CTNNA1: variants seen among roughly 807,000 people sequenced by gnomAD.
CTNNA1 encodes the protein catenin alpha 1.
In CTNNA1, 37 loss-of-function variants were observed where a neutral mutation model predicts 98.4. The observed-to-expected ratio is 0.38, with a 90% CI of 0.29 to 0.49. The LOEUF (loss-of-function observed/expected upper bound fraction) is 0.49, where lower values mean the gene tolerates loss of function less well. Ranked by LOEUF, CTNNA1 falls within the 20% of genes least tolerant of loss-of-function variation. The pLI, the probability that CTNNA1 is intolerant of heterozygous loss-of-function variation, is 0.95. For synonymous variants in CTNNA1, 404 were observed against 413.2 expected (o/e 0.98, Z 0.27); for missense variants, 761 against 1,147.2 (o/e 0.66, Z 4.86).
chr5:138,901,066 G>A (rs10038162), intron 9 of CTNNA1, among the ~76,000 whole-genome samples: 46,921 of 152,002 alleles, frequency 0.31, 7,415 homozygotes, highest in African/African-American at 0.37. Flanking sequence ...GTTCTACGAA[G>A]TCTTGGCTCT....
chr5:138,833,513 G>A (rs1299671665), intron 7 of CTNNA1, among the ~76,000 whole-genome samples: 1 of 152,124 alleles, frequency 6.6e-6, no homozygotes, highest in Non-Finnish European at 1.5e-5. Context: ...ATTTTTACCT[G>A]TTTCTTTTCA....
intron 9 of CTNNA1, among the ~76,000 whole-genome samples, chr5:138,893,225 C>T (rs1038322289): frequency 5.3e-5 from 8 of 152,056 alleles, no homozygotes; most frequent in African/African-American, 1.4e-4. Flanking sequence ...GTCATCATTC[C>T]GGAAGGAGAC....
intron 7 of CTNNA1, among the ~76,000 whole-genome samples, chr5:138,831,561 C>T (rs1178719707): frequency 6.6e-6 from 1 of 152,006 alleles, no homozygotes; most frequent in Non-Finnish European, 1.5e-5. Flanking sequence ...CTGGAAATTC[C>T]CTTCCTACCT....
chr5:138,898,867 T>C (rs1757449172), intron 9 of CTNNA1, among the ~76,000 whole-genome samples: 2 of 152,224 alleles, frequency 1.3e-5, no homozygotes, highest in Admixed American at 1.3e-4. Context: ...TTCCACATTT[T>C]CCATAAGATG....
chr5:138,807,749 T>TTA (rs199826224), intron 3 of CTNNA1, among the ~76,000 whole-genome samples: 8 of 151,858 alleles, frequency 5.3e-5, no homozygotes, highest in Admixed American at 2.0e-4. Context: ...AAGACAGTAT[T>TTA]TATATATATA....
At chr5:138,909,349 C>T (rs1252520563) in intron 10 of CTNNA1, among the ~76,000 whole-genome samples, 2 of 150,582 alleles carry the variant, frequency 1.3e-5, no homozygotes, top group Non-Finnish European at 3.0e-5. Flanking sequence ...TTTTTTCTTT[C>T]CTCCCCCCCC....
At chr5:138,921,532 C>G (rs1762908392) in intron 11 of CTNNA1, among the ~76,000 whole-genome samples, 1 of 150,304 alleles carries the variant, frequency 6.7e-6, no homozygotes, top group Non-Finnish European at 1.5e-5. Context: ...TGTTTAATAG[C>G]AGAAATGCTA....
At chr5:138,827,767 T>G in intron 7 of CTNNA1, 49 bp downstream of exon 7, 1 of 1,603,118 alleles carries the variant, frequency 6.2e-7, no homozygotes, top group Non-Finnish European at 8.5e-7. Context: ...GGATGAGGAG[T>G]TTTCTATAAC....
intron 3 of CTNNA1, among the ~76,000 whole-genome samples, chr5:138,784,844 T>C (rs1298006417): frequency 6.6e-6 from 1 of 152,158 alleles, no homozygotes; most frequent in Non-Finnish European, 1.5e-5. Flanking sequence ...ATCATATACT[T>C]TTCTTTTTTT....
At chr5:138,857,007 T>C (rs1581294806) in intron 7 of CTNNA1, among the ~76,000 whole-genome samples, 1 of 152,346 alleles carries the variant, frequency 6.6e-6, no homozygotes, top group East Asian at 1.9e-4. Flanking sequence ...TCTCATGTTT[T>C]TCCCTCATGC....
At chr5:138,915,703 A>C (rs768148409) in intron 10 of CTNNA1, among the ~76,000 whole-genome samples, 1 of 152,228 alleles carries the variant, frequency 6.6e-6, no homozygotes, top group Non-Finnish European at 1.5e-5. Flanking sequence ...TGGCATGGTA[A>C]TATAACAGAA....
intron 3 of CTNNA1, among the ~76,000 whole-genome samples, chr5:138,787,651 T>C (rs1177780559): frequency 6.6e-6 from 1 of 152,242 alleles, no homozygotes; most frequent in Admixed American, 6.5e-5. Context: ...TTATTTATTA[T>C]ACTTTTGAGC....
intron 3 of CTNNA1, among the ~76,000 whole-genome samples, chr5:138,785,352 C>T (rs1439772686): frequency 2.6e-5 from 4 of 152,052 alleles, no homozygotes; most frequent in Admixed American, 6.6e-5. Context: ...TGAGCCATCG[C>T]GCCCGGCCTA....
Position 138,834,484 on chromosome 5 carries a change from C to T in CTNNA1, c.1062+6766C>T, listed in dbSNP as rs183883478. On this transcript the variant is annotated intron_variant, in intron 7 of 17. Transcript: ENST00000302763. ...AGAGACATTTTATCCCCATAATAAC[C>T]CTATTGAGTTGATAATTGCTCAAAA... Among the ~76,000 whole-genome samples, 28 of 152,172 alleles carry T rather than the reference C, an allele frequency of 1.8e-4. 1 individual carries two copies. Among genetic ancestry groups the T allele is most frequent in the Admixed American group, 3.9e-4 (6 of 15,290 alleles).
At chr5:138,932,108 TAATAACGCAAAGTGCCTCAGAGCAG>T in intron 16 of CTNNA1, 2 of 986,886 alleles carry the variant, frequency 2.0e-6, no homozygotes, top group Non-Finnish European at 2.4e-6. Flanking sequence ...CATCAGGCAT[TAATAACGCAAAGTGCCTCAGAGCAG>T]AAGAGTTAAC....
chr5:138,874,447 G>C lies in CTNNA1; in HGVS notation c.1063-11765G>C, dbSNP rs1444733047. 1 of 1,613,596 alleles carries C rather than the reference G, an allele frequency of 6.2e-7. No individual in the cohort carries two copies. The highest frequency in any genetic ancestry group is 1.3e-5 in the African/African-American group (1 of 74,912). ...AGTAGAAGAGCAGCTTCTCGCAGCGGCATTTGGGTGGACACGCCATACCCA... is the reference window on the plus strand; with the variant it reads ...AGTAGAAGAGCAGCTTCTCGCAGCGCCATTTGGGTGGACACGCCATACCCA... On this transcript the variant is annotated intron_variant, in intron 7 of 17. Coordinates refer to ENST00000302763, the MANE Select transcript of CTNNA1 (RefSeq NM_001903.5). This position sits in a 1 kb window ranked among gnomAD's most constrained non-coding sequence, Gnocchi z 4.1.
At chr5:138,866,532 A>C (rs1022366751) in intron 7 of CTNNA1, among the ~76,000 whole-genome samples, 1 of 152,132 alleles carries the variant, frequency 6.6e-6, no homozygotes, top group African/African-American at 2.4e-5. Flanking sequence ...GTGAGGCATG[A>C]ACCATTGGCC....
At chr5:138,860,092 T>A (rs1317278471) in intron 7 of CTNNA1, among the ~76,000 whole-genome samples, 1 of 152,170 alleles carries the variant, frequency 6.6e-6, no homozygotes, top group Non-Finnish European at 1.5e-5. Flanking sequence ...ATCTTAAAAA[T>A]ATTATTTTCC....
At chr5:138,858,753 G>C (rs893910649) in intron 7 of CTNNA1, among the ~76,000 whole-genome samples, 2 of 151,828 alleles carry the variant, frequency 1.3e-5, no homozygotes, top group African/African-American at 4.8e-5. Flanking sequence ...CTGCCACCAC[G>C]CCCAGCTAAT....
Sources: gnomAD v4.1 joint callset for allele counts (sites outside exome capture counted in the v4.1 genomes callset) on GRCh38, gnomAD v4.1.1 for gene constraint, Gnocchi (gnomAD v3.1) non-coding constraint, MANE v1.5 for transcripts, NCBI Gene and HGNC (gene_info 2026-07-23, HGNC 2026-07-21) for gene names.